Variants in THSD7B observed in about 807,000 individuals in gnomAD.
THSD7B encodes the protein thrombospondin type 1 domain containing 7B, also known as thrombospondin type-1 domain-containing protein 7B.
THSD7B carries 138 observed loss-of-function variants against 213.6 expected under a neutral mutation model. The observed-to-expected ratio is 0.65, with a 90% CI of 0.56 to 0.74. The LOEUF (loss-of-function observed/expected upper bound fraction) is 0.74. THSD7B is among the 30% of genes least tolerant of loss of function. The pLI is 0.00. For missense variants in THSD7B, 1,931 were observed against 1,991.5 expected, an observed-to-expected ratio of 0.97 and a Z score of 0.58; for synonymous variants, 742 against 687.0, an observed-to-expected ratio of 1.08 and a Z score of -1.25.
rs1038006201 is a variant in THSD7B at position 137,618,416 on chromosome 2, A to C, written c.3590A>C (p.Glu1197Ala). ...LTEWSTCQLSENAPCGQGVRT... is the reference protein window; with the variant it reads ...LTEWSTCQLSANAPCGQGVRT... Reference sequence around the variant, plus strand: ...GAGTGGAGCACATGCCAGCTGAGTGAAAACGCACCCTGTGGTCAAGGCGTC... The same window carrying C: ...GAGTGGAGCACATGCCAGCTGAGTGCAAACGCACCCTGTGGTCAAGGCGTC... The change falls in exon 19 of 28, where the codon GAA becomes GCA. Residue 1197 changes from glutamate to alanine, a missense_variant. Physicochemically the swap from Glu to Ala is moderately radical, Grantham distance 107 (BLOSUM62 -1). Coordinates refer to ENST00000409968, the MANE Select transcript of THSD7B (RefSeq NM_001316349.2). 6.2e-5 allele frequency: 100 copies of C among 1,613,716 alleles called. No homozygotes were observed. The highest frequency in any genetic ancestry group is 8.2e-5 in the Non-Finnish European group (97 of 1,179,852).
chr2:137,010,259 G>C (rs998959742), intron 2 of THSD7B, among the ~76,000 whole-genome samples: 4 of 152,294 alleles, frequency 2.6e-5, no homozygotes, highest in Admixed American at 2.0e-4. Flanking sequence ...GTGAAGATAA[G>C]GCTGCTACTT....
At chr2:136,766,916 A>G (rs1399823066) in intron 1 of THSD7B, among the ~76,000 whole-genome samples, 2 of 152,086 alleles carry the variant, frequency 1.3e-5, no homozygotes, top group East Asian at 3.9e-4. Context: ...GTGCTCTGTT[A>G]TCATGGAAAT....
intron 14 of THSD7B, among the ~76,000 whole-genome samples, chr2:137,413,477 A>G (rs943200219): frequency 3.9e-5 from 6 of 152,244 alleles, no homozygotes; most frequent in Non-Finnish European, 1.5e-5. Context: ...AGGATGCTGA[A>G]TAGAAAATTT....
chr2:137,515,306 C>T (rs964410180), intron 15 of THSD7B, among the ~76,000 whole-genome samples: 6 of 152,186 alleles, frequency 3.9e-5, no homozygotes, highest in Admixed American at 6.5e-5. Context: ...ATGCTGCCAT[C>T]GCCTTTCCAC....
intron 1 of THSD7B, among the ~76,000 whole-genome samples, chr2:136,823,406 C>T (rs1682596030): frequency 6.6e-6 from 1 of 152,176 alleles, no homozygotes; most frequent in African/African-American, 2.4e-5. Flanking sequence ...GCAGATGATA[C>T]TTGTTTTTAT....
At chr2:137,207,888 G>A (rs1014585784) in intron 7 of THSD7B, among the ~76,000 whole-genome samples, 9 of 152,118 alleles carry the variant, frequency 5.9e-5, no homozygotes, top group Admixed American at 3.3e-4. Flanking sequence ...CTTCCTGCCC[G>A]CTGCACAGAC....
At position 137,580,777 on chromosome 2, in the gene THSD7B, C is replaced by G. The variant is rs140341410; in HGVS notation, c.3423+8221C>G. On this transcript the variant is annotated intron_variant, in intron 17 of 27. Transcript: ENST00000409968. ...TTTACTTCGGTGAAGTGAGAGCAGGCAGGTCACATAGCTAGAACAGGAGCA... is the reference window on the plus strand; with the variant it reads ...TTTACTTCGGTGAAGTGAGAGCAGGGAGGTCACATAGCTAGAACAGGAGCA... Among the ~76,000 whole-genome samples, 93 of 152,174 alleles carry G rather than the reference C, an allele frequency of 6.1e-4. No homozygotes were observed. The East Asian group carries it at 0.018, about 29-fold the overall frequency.
At chr2:136,860,278 T>C (rs753075573) in intron 1 of THSD7B, among the ~76,000 whole-genome samples, 1 of 152,128 alleles carries the variant, frequency 6.6e-6, no homozygotes, top group African/African-American at 2.4e-5. Flanking sequence ...GGCCTTGGTC[T>C]TCTTCTCTAT....
At chr2:137,082,867 A>T (rs1687772642) in intron 3 of THSD7B, among the ~76,000 whole-genome samples, 1 of 152,104 alleles carries the variant, frequency 6.6e-6, no homozygotes, top group South Asian at 2.1e-4. Context: ...AGTGACAGAA[A>T]TTGATCATAA....
At chr2:137,567,118 G>A (rs1681253641) in intron 16 of THSD7B, among the ~76,000 whole-genome samples, 1 of 150,548 alleles carries the variant, frequency 6.6e-6, no homozygotes, top group Non-Finnish European at 1.5e-5. Context: ...GTTTGATGTG[G>A]GGGAGTGACA....
At chr2:137,391,293 A>G (rs1686020447) in intron 12 of THSD7B, among the ~76,000 whole-genome samples, 1 of 151,994 alleles carries the variant, frequency 6.6e-6, no homozygotes. Context: ...TTTCTGTGGT[A>G]TCAGTTGTTA....
chr2:136,890,733 G>A (rs1375886374), intron 2 of THSD7B, among the ~76,000 whole-genome samples: 1 of 150,358 alleles, frequency 6.7e-6, no homozygotes, highest in Non-Finnish European at 1.5e-5. Context: ...TAGAGACAGG[G>A]TTTCACAATG....
chr2:137,172,827 A>G (rs1680283107), intron 7 of THSD7B, among the ~76,000 whole-genome samples: 1 of 152,124 alleles, frequency 6.6e-6, no homozygotes, highest in South Asian at 2.1e-4. Flanking sequence ...AACTCCAAAT[A>G]GATAGTGTTA....
At chr2:136,785,415 A>G (rs1158340658) in intron 1 of THSD7B, among the ~76,000 whole-genome samples, 3 of 152,130 alleles carry the variant, frequency 2.0e-5, no homozygotes, top group Non-Finnish European at 4.4e-5. Context: ...CACCTTGGCC[A>G]CAGCAGTGTG....
Position 137,374,358 on chromosome 2 carries a change from G to A in THSD7B, c.2501-31255G>A, listed in dbSNP as rs7597882. On this transcript the variant is annotated intron_variant, in intron 12 of 27. Coordinates refer to ENST00000409968, the MANE Select transcript of THSD7B (RefSeq NM_001316349.2). ...TGGTCTTTTTAATCCTTTACCTCTT[G>A]TTCATTGATTTACAGCTTCCAAAAT... Among the ~76,000 whole-genome samples, 1,304 of 151,958 alleles carry A rather than the reference G, an allele frequency of 8.6e-3. 14 individuals are homozygous for A. Among genetic ancestry groups the A allele is most frequent in the African/African-American group, 0.03 (1,238 of 41,426 alleles).
chr2:137,063,150 A>G (rs1434172991), intron 3 of THSD7B, among the ~76,000 whole-genome samples: 1 of 151,674 alleles, frequency 6.6e-6, no homozygotes, highest in Non-Finnish European at 1.5e-5. Flanking sequence ...TAATGCTAGC[A>G]TAGTATATCT....
intron 12 of THSD7B, among the ~76,000 whole-genome samples, chr2:137,335,658 G>A (rs1337371276): frequency 6.6e-6 from 1 of 152,198 alleles, no homozygotes; most frequent in Non-Finnish European, 1.5e-5. Flanking sequence ...CTTAAGGACA[G>A]AGGGGGTAGT....
At chr2:137,629,645 G>C (rs1479920250) in intron 20 of THSD7B, among the ~76,000 whole-genome samples, 1 of 152,156 alleles carries the variant, frequency 6.6e-6, no homozygotes, top group Non-Finnish European at 1.5e-5. Flanking sequence ...CACAAGAAAA[G>C]TCCTTGTGTG....
At chr2:137,504,603 A>AT (rs1679791299) in intron 15 of THSD7B, among the ~76,000 whole-genome samples, 1 of 152,116 alleles carries the variant, frequency 6.6e-6, no homozygotes, top group Non-Finnish European at 1.5e-5. Context: ...CAAAAATTAG[A>AT]TCCCCACTGA....
Sources: allele counts gnomAD v4.1 joint callset (sites outside exome capture counted in the v4.1 genomes callset), GRCh38; gene constraint gnomAD v4.1.1; transcripts MANE v1.5; gene names NCBI Gene and HGNC (gene_info 2026-07-23, HGNC 2026-07-21).